Variants in NR2F2 observed in about 807,000 individuals in gnomAD.
The protein encoded by NR2F2 is COUP transcription factor 2.
NR2F2 carries 2 observed loss-of-function variants against 34.8 expected under a neutral mutation model. That is an observed-to-expected ratio of 0.06 (90% CI 0.02 to 0.18). The LOEUF (loss-of-function observed/expected upper bound fraction) is 0.18, where lower values mean the gene tolerates loss of function less well. Ranked by LOEUF, NR2F2 falls within the 10% of genes least tolerant of loss-of-function variation. The pLI is 1.00. For missense variants in NR2F2, 300 were observed against 580.1 expected (o/e 0.52, Z 4.96); for synonymous variants, 274 against 251.8 (o/e 1.09, Z -0.84).
chr15:96,326,876 C>T (rs965621742), upstream of NR2F2: 2 of 153,072 alleles, frequency 1.3e-5, no homozygotes, highest in Non-Finnish European at 2.9e-5. This position sits in a 1 kb window ranked among gnomAD's most constrained non-coding sequence, Gnocchi z 5.5. Context: ...AAAAGCCTAG[C>T]CCGGCGCCCT....
chr15:96,326,263 A>G, upstream of NR2F2: 1 of 1,545,064 alleles, frequency 6.5e-7, no homozygotes, highest in African/African-American at 1.4e-5. The surrounding 1 kb of genome is among the most constrained non-coding windows in gnomAD (Gnocchi z 5.5). Flanking sequence ...CAAAGCATTT[A>G]TTTCACCCGC....
At position 96,337,775 on chromosome 15, in the gene NR2F2, CAA is replaced by C. The variant is rs34678417; in HGVS notation, c.*167_*168del. 0.11 allele frequency: 21,065 copies of C among 200,446 alleles called. 1,268 individuals are homozygous for C. Among genetic ancestry groups the C allele is most frequent in the African/African-American group, 0.31 (11,023 of 35,018 alleles). The allele number at this position is 200,446 out of a possible 1,614,324, so 12.4% of individuals were successfully genotyped here. A position where few individuals can be genotyped will look rare whatever the true frequency, so the allele number is the denominator to read the frequency against. On this transcript the variant is annotated 3_prime_UTR_variant, in exon 3 of 3. Coordinates refer to ENST00000394166, the MANE Select transcript of NR2F2 (RefSeq NM_021005.4). ...GAAGAATTTAATGGACTGTGAATTT[CAA>C]AAAAAAAAAAAAAGACTGTCAAATG...
upstream of NR2F2, among the ~76,000 whole-genome samples, chr15:96,330,323 G>C (rs1219527920): frequency 2.0e-5 from 3 of 151,848 alleles, no homozygotes; most frequent in Admixed American, 1.3e-4. Flanking sequence ...TCTCCCCGCC[G>C]GGGCGGAAAC....
upstream of NR2F2, among the ~76,000 whole-genome samples, chr15:96,327,744 G>T (rs960435919): frequency 6.6e-5 from 10 of 152,210 alleles, no homozygotes; most frequent in African/African-American, 1.2e-4. Flanking sequence ...ATTTGCTGGG[G>T]TCTGTATTCA....
At chr15:96,336,976 G>A (rs927635863) in intron 2 of NR2F2, among the ~76,000 whole-genome samples, 6 of 152,048 alleles carry the variant, frequency 3.9e-5, no homozygotes, top group Admixed American at 2.6e-4. Flanking sequence ...AGAGAGTGCT[G>A]GTAGTTTTGG....
At position 96,331,665 on chromosome 15, in the gene NR2F2, TGA is replaced by T; in HGVS notation, c.-437_-436del. ...GTGAACGAGAGAGGGAGGGAGAGAG[TGA>T]GAGCGAGCGAGATCTTTGGAGAGAT... On this transcript the variant is annotated 5_prime_UTR_variant, in exon 1 of 3. Transcript: ENST00000394166. 8.9e-7 allele frequency: 1 copy of T among 1,126,016 alleles called. No homozygotes were observed. Among genetic ancestry groups the T allele is most frequent in the South Asian group, 4.6e-5 (1 of 21,850 alleles). 69.8% of individuals were successfully genotyped at this position (1,126,016 alleles called of 1,614,324 possible). A position where few individuals can be genotyped will look rare whatever the true frequency, so the allele number is the denominator to read the frequency against.
Position 96,331,613 on chromosome 15 carries a change from G to A in NR2F2, c.-493G>A. ...CCTCCTCCTCCTCCGCCAACTCCTC[G>A]GCTGCACACCAGCTCTAAGAGCGAG... On this transcript the variant is annotated 5_prime_UTR_variant, in exon 1 of 3. Coordinates refer to ENST00000394166, the MANE Select transcript of NR2F2 (RefSeq NM_021005.4). 8.4e-7 allele frequency: 1 copy of A among 1,191,922 alleles called. No homozygotes were observed. The highest frequency in any genetic ancestry group is 4.2e-5 in the South Asian group (1 of 23,680). 73.8% of individuals were successfully genotyped at this position (1,191,922 alleles called of 1,614,324 possible). A position where few individuals can be genotyped will look rare whatever the true frequency, so the allele number is the denominator to read the frequency against.
At chr15:96,326,419 G>C, upstream of NR2F2, 1 of 1,383,616 alleles carries the variant, frequency 7.2e-7, no homozygotes, top group Non-Finnish European at 1.0e-6. This position sits in a 1 kb window ranked among gnomAD's most constrained non-coding sequence, Gnocchi z 5.5. Context: ...GTGCTGTGTG[G>C]GGTTGGGGAT....
chr15:96,329,158 G>T (rs2141163495), upstream of NR2F2, among the ~76,000 whole-genome samples: 1 of 152,084 alleles, frequency 6.6e-6, no homozygotes, highest in South Asian at 2.1e-4. Context: ...TCACAAACCT[G>T]GTTGGTTTAC....
intron 2 of NR2F2, among the ~76,000 whole-genome samples, chr15:96,335,994 T>G (rs1176856455): frequency 6.6e-6 from 1 of 152,186 alleles, no homozygotes; most frequent in Admixed American, 6.5e-5. Flanking sequence ...CTAGAACGTT[T>G]GCCTGCTGCA....
chr15:96,330,035 A>C (rs1596421411), upstream of NR2F2, among the ~76,000 whole-genome samples: 1 of 152,304 alleles, frequency 6.6e-6, no homozygotes, highest in East Asian at 1.9e-4. Context: ...AATTAAGAGA[A>C]GGGTTTGCCA....
chr15:96,328,764 C>CT (rs58051222), upstream of NR2F2, among the ~76,000 whole-genome samples: 37,027 of 138,658 alleles, frequency 0.27, 4,672 homozygotes, highest in East Asian at 0.35. Context: ...GTTTGCTGGG[C>CT]TTTTTTTTTT....
At position 96,339,302 on chromosome 15, in the gene NR2F2, T is replaced by C. The variant is rs1899431350; in HGVS notation, c.*1680T>C. On this transcript the variant is annotated 3_prime_UTR_variant, in exon 3 of 3. Coordinates refer to ENST00000394166, the MANE Select transcript of NR2F2 (RefSeq NM_021005.4). ...TAGAGGACAGTTGTTTGCAGTGAGTTTTTCCTTAAGTAGGTACGATTTTTT... is the reference window on the plus strand; with the variant it reads ...TAGAGGACAGTTGTTTGCAGTGAGTCTTTCCTTAAGTAGGTACGATTTTTT... The C allele has an allele frequency of 6.6e-6, 1 of 152,194 alleles. No homozygotes were observed. Among genetic ancestry groups the C allele is most frequent in the Non-Finnish European group, 1.5e-5 (1 of 68,026 alleles). 9.4% of individuals were successfully genotyped at this position (152,194 alleles called of 1,614,324 possible).
rs1325360331 is a variant in NR2F2, at chr15:96,339,276, C to T, written c.*1654C>T. 7 of 152,136 alleles carry T rather than the reference C, an allele frequency of 4.6e-5. No homozygotes were observed. 9.4% of individuals were successfully genotyped at this position (152,136 alleles called of 1,614,324 possible). A position where few individuals can be genotyped will look rare whatever the true frequency, so the allele number is the denominator to read the frequency against. On this transcript the variant is annotated 3_prime_UTR_variant, in exon 3 of 3. Transcript: ENST00000394166. The stretch of plus-strand genomic sequence containing the variant: ...AAGCAAGCTAATCACAGCATTGTAA[C>T]TAGAGGACAGTTGTTTGCAGTGAGT...
chr15:96,336,222 T>G (rs1360407588), intron 2 of NR2F2, among the ~76,000 whole-genome samples: 2 of 152,302 alleles, frequency 1.3e-5, no homozygotes, highest in East Asian at 3.9e-4. Flanking sequence ...TGGAGGCCTG[T>G]GTGGAGAATG....
rs1469880998 is a variant in NR2F2 at position 96,334,482 on chromosome 15, C to A, written c.849C>A (p.Asp283Glu). 2.5e-6 allele frequency: 4 copies of A among 1,613,894 alleles called. No homozygotes were observed. Among genetic ancestry groups the A allele is most frequent in the Non-Finnish European group, 3.4e-6 (4 of 1,180,028 alleles). Reference sequence around the variant, plus strand: ...TGCATGCTTCGCCCATGTCCGCCGACCGGGTGGTCGCCTTTATGGACCACA... The same window carrying A: ...TGCATGCTTCGCCCATGTCCGCCGAACGGGTGGTCGCCTTTATGGACCACA... ...AGLHASPMSA[D>E]RVVAFMDHIR... The change falls in exon 2 of 3, where the codon GAC becomes GAA. Residue 283 changes from aspartate to glutamate, a missense_variant. Transcript: ENST00000394166.
Position 96,332,172 on chromosome 15 carries a change from G to A in NR2F2, c.67G>A (p.Ala23Thr). ...DEVPGSQGSQ[A>T]SQAPPVPGPP... ...GGTGCCCGGCTCACAGGGCAGCCAG[G>A]CCTCGCAGGCGCCGCCCGTGCCCGG... The change falls in exon 1 of 3, where the codon GCC becomes ACC. Residue 23 changes from alanine to threonine, a missense_variant. Physicochemically the swap from Ala to Thr is moderately conservative, Grantham distance 58 (BLOSUM62 0). Around this residue, in one of 6 missense-constraint regions of NR2F2, gnomAD observed 105 missense variants for 107.8 expected, o/e 0.97. Coordinates refer to ENST00000394166, the MANE Select transcript of NR2F2 (RefSeq NM_021005.4). 1 of 1,337,480 alleles carries A rather than the reference G, an allele frequency of 7.5e-7. No individual in the cohort carries two copies. Among genetic ancestry groups the A allele is most frequent in the Non-Finnish European group, 9.6e-7 (1 of 1,046,000 alleles). The allele number at this position is 1,337,480 out of a possible 1,614,324, so 82.9% of individuals were successfully genotyped here.
At position 96,337,624 on chromosome 15, in the gene NR2F2, TAAATA is replaced by T. The variant is rs773689609; in HGVS notation, c.*9_*13del. ...TGGCCGTATATGGCAATTCAATAAA[TAAATA>T]AAATAAGAAGGGGGAGTGAAACAGA... is the stretch of plus-strand genomic sequence containing the variant. On this transcript the variant is annotated 3_prime_UTR_variant, in exon 3 of 3. Transcript: ENST00000394166. 1.9e-5 allele frequency: 31 copies of T among 1,608,778 alleles called. No homozygotes were observed. The Admixed American group carries it at 3.7e-4, about 19-fold the overall frequency.
chr15:96,337,686 T>C lies in NR2F2; in HGVS notation c.*64T>C. On this transcript the variant is annotated 3_prime_UTR_variant, in exon 3 of 3. Transcript: ENST00000394166. Reference sequence around the variant, plus strand: ...AAAGGCAAAAGACTGGTTTGTTTGCTTAATTTCCTTCTGTTAAGAAAGGAT... The same window carrying C: ...AAAGGCAAAAGACTGGTTTGTTTGCCTAATTTCCTTCTGTTAAGAAAGGAT... 6.6e-7 allele frequency: 1 copy of C among 1,507,084 alleles called. No homozygotes were observed. Among genetic ancestry groups the C allele is most frequent in the Non-Finnish European group, 9.0e-7 (1 of 1,111,082 alleles). 93.4% of individuals were successfully genotyped at this position (1,507,084 alleles called of 1,614,324 possible).
Sources: allele counts gnomAD v4.1 joint callset (sites outside exome capture counted in the v4.1 genomes callset), GRCh38; gene constraint gnomAD v4.1.1; regional missense constraint gnomAD v4.1.1; non-coding constraint Gnocchi (gnomAD v3.1); transcripts MANE v1.5; gene names NCBI Gene and HGNC (gene_info 2026-07-23, HGNC 2026-07-21).